Variants in NFYC observed in about 807,000 individuals in gnomAD.
NFYC encodes the protein CAAT box DNA-binding protein subunit C.
NFYC carries 25 observed loss-of-function variants against 53.1 expected under a neutral mutation model. The ratio of observed to expected loss-of-function variants is 0.47; its 90% CI spans 0.34 to 0.66. The LOEUF is 0.66. NFYC is among the 30% of genes least tolerant of loss of function. The pLI is 0.01. For synonymous variants in NFYC, 145 were observed against 152.6 expected (o/e 0.95, Z 0.37); for missense variants, 260 against 422.7 (o/e 0.62, Z 3.38).
At chr1:40,728,644 GT>G (rs996098251) in intron 1 of NFYC, among the ~76,000 whole-genome samples, 3 of 151,982 alleles carry the variant, frequency 2.0e-5, no homozygotes, top group East Asian at 3.9e-4. Context: ...AATGTTTTTT[GT>G]TTTGTTTTTT....
chr1:40,737,364 T>G (rs933949300), intron 1 of NFYC, among the ~76,000 whole-genome samples: 8 of 151,018 alleles, frequency 5.3e-5, no homozygotes, highest in Non-Finnish European at 1.0e-4. Flanking sequence ...AGTCTTGCTC[T>G]GTTGCCCAGG....
At chr1:40,744,634 G>A (rs776120548) in intron 2 of NFYC, among the ~76,000 whole-genome samples, 10 of 152,164 alleles carry the variant, frequency 6.6e-5, no homozygotes, top group Non-Finnish European at 1.5e-4. Context: ...TTTGGTAGTG[G>A]TCAGGAGCAT....
chr1:40,747,950 C>T (rs925520966), intron 3 of NFYC, among the ~76,000 whole-genome samples: 8 of 151,796 alleles, frequency 5.3e-5, no homozygotes, highest in African/African-American at 1.9e-4. Context: ...ATTCCCATGC[C>T]TCAGACTCCC....
At chr1:40,699,428 G>T (rs147436582) in intron 1 of NFYC, among the ~76,000 whole-genome samples, 55 of 152,250 alleles carry the variant, frequency 3.6e-4, no homozygotes, top group African/African-American at 1.3e-3. Context: ...GAAGAGAGAA[G>T]GGGCTAATAA....
chr1:40,770,759 C>G lies in NFYC; in HGVS notation c.939C>G (p.Ala313=), dbSNP rs1647051165. 6.2e-7 allele frequency: 1 copy of G among 1,613,796 alleles called. No individual in the cohort carries two copies. The highest frequency in any genetic ancestry group is 8.5e-7 in the Non-Finnish European group (1 of 1,180,036). ...QVTMPAGQDL[A]QPMFIQSANQ... ...CCATGCCTGCGGGCCAGGACCTCGC[C>G]CAGCCCATGTTCATCCAGTCAGCCA... Residue 313 remains alanine (A), a synonymous_variant, in exon 10 of 10, where the codon GCC becomes GCG. Coordinates refer to ENST00000447388, the MANE Select transcript of NFYC (RefSeq NM_014223.5). The surrounding 1 kb of genome is among the most constrained non-coding windows in gnomAD (Gnocchi z 5.3).
intron 1 of NFYC, among the ~76,000 whole-genome samples, chr1:40,730,268 T>A (rs1377439843): frequency 6.8e-6 from 1 of 147,614 alleles, no homozygotes; most frequent in East Asian, 2.0e-4. Flanking sequence ...CTCGAACTCC[T>A]GGATTCATGC....
At chr1:40,726,735 G>A (rs528115917) in intron 1 of NFYC, among the ~76,000 whole-genome samples, 96 of 152,298 alleles carry the variant, frequency 6.3e-4, no homozygotes, top group African/African-American at 2.2e-3. Context: ...CTTAAAATAA[G>A]GCAGCAGTGA....
At chr1:40,700,124 A>G (rs1024571127) in intron 1 of NFYC, among the ~76,000 whole-genome samples, 7 of 152,188 alleles carry the variant, frequency 4.6e-5, no homozygotes, top group African/African-American at 1.4e-4. Flanking sequence ...GTGGGAAAGG[A>G]CTTTTCTGAG....
intron 1 of NFYC, among the ~76,000 whole-genome samples, chr1:40,699,742 C>T (rs1346200311): frequency 6.6e-6 from 1 of 152,214 alleles, no homozygotes; most frequent in Non-Finnish European, 1.5e-5. Flanking sequence ...TTTCACTCCA[C>T]TAAAATTTGT....
intron 7 of NFYC, 41 bp from the exon 8 acceptor site, chr1:40,766,555 C>A: frequency 6.8e-7 from 1 of 1,464,560 alleles, no homozygotes; most frequent in Non-Finnish European, 9.4e-7. Flanking sequence ...TGAGATTATA[C>A]TCAATGTCTT....
intron 1 of NFYC, among the ~76,000 whole-genome samples, chr1:40,707,358 G>A (rs183305389): frequency 6.6e-6 from 1 of 151,050 alleles, no homozygotes; most frequent in Non-Finnish European, 1.5e-5. Flanking sequence ...GCTGGGCATG[G>A]TGGTGGGTGC....
chr1:40,767,662 G>A (rs773007126), intron 8 of NFYC, among the ~76,000 whole-genome samples: 11 of 152,262 alleles, frequency 7.2e-5, no homozygotes, highest in East Asian at 5.8e-4. Flanking sequence ...AAATGAGAAG[G>A]AAGCTTCTTG....
At chr1:40,712,542 A>C (rs1332143857) in intron 1 of NFYC, 1 of 105,618 alleles carries the variant, frequency 9.5e-6, no homozygotes, top group East Asian at 2.3e-4. Flanking sequence ...ATATTTATAA[A>C]GTAAACTGGA....
intron 1 of NFYC, among the ~76,000 whole-genome samples, chr1:40,726,542 T>G (rs575942777): frequency 2.9e-4 from 44 of 152,124 alleles, no homozygotes; most frequent in Non-Finnish European, 4.6e-4. Context: ...CCCAAGTAGC[T>G]GGGACTACAG....
In NFYC at chr1:40,758,197, T is replaced by TC; in HGVS notation, c.466dup (p.Gln156ProfsTer77). 2.5e-6 allele frequency: 4 copies of TC among 1,612,928 alleles called. No homozygotes were observed. The highest frequency in any genetic ancestry group is 3.4e-6 in the Non-Finnish European group (4 of 1,180,004). ...ACGCTGGCTCAGCAACCCACCGCTG[T>TC]CCAAGTCCAGGGCCAGCAGCAAGGC... On this transcript the variant is annotated frameshift_variant, in exon 6 of 10. Transcript: ENST00000447388. LOFTEE classifies it high-confidence loss of function.
intron 1 of NFYC, among the ~76,000 whole-genome samples, chr1:40,725,558 G>A (rs1644479998): frequency 6.6e-6 from 1 of 152,146 alleles, no homozygotes; most frequent in South Asian, 2.1e-4. Context: ...AAGTCCTAAG[G>A]TCCATCTGTG....
chr1:40,764,979 GTA>G (rs1184441302), intron 7 of NFYC, among the ~76,000 whole-genome samples: 1 of 151,988 alleles, frequency 6.6e-6, no homozygotes, highest in Non-Finnish European at 1.5e-5. Flanking sequence ...TAACATCCCT[GTA>G]GCTGTCAGTA....
intron 1 of NFYC, among the ~76,000 whole-genome samples, chr1:40,707,620 A>G (rs12239413): frequency 0.071 from 10,735 of 151,440 alleles, 706 homozygotes; most frequent in African/African-American, 0.17. Context: ...CCTGGGCAAC[A>G]TGGTGAGAAC....
At chr1:40,729,848 G>C (rs1644685938) in intron 1 of NFYC, among the ~76,000 whole-genome samples, 1 of 151,914 alleles carries the variant, frequency 6.6e-6, no homozygotes, top group Non-Finnish European at 1.5e-5. Context: ...GCTAATTTTT[G>C]TATTTTTGGT....
Sources: allele counts gnomAD v4.1 joint callset (sites outside exome capture counted in the v4.1 genomes callset), GRCh38; gene constraint gnomAD v4.1.1; non-coding constraint Gnocchi (gnomAD v3.1); transcripts MANE v1.5; gene names NCBI Gene and HGNC (gene_info 2026-07-23, HGNC 2026-07-21).